Variants in NEIL3 observed in about 807,000 individuals in gnomAD.
NEIL3 encodes nei like DNA glycosylase 3, also known as endonuclease 8-like 3.
NEIL3 carries 48 observed loss-of-function variants against 57.5 expected under a neutral mutation model. The ratio of observed to expected loss-of-function variants is 0.83; its 90% CI spans 0.66 to 1.06. NEIL3 has a LOEUF of 1.06. NEIL3 is among the 50% of genes least tolerant of loss of function. The pLI is 0.00. For missense variants in NEIL3, 717 were observed against 739.1 expected, an observed-to-expected ratio of 0.97 and a Z score of 0.35; for synonymous variants, 261 against 253.2, an observed-to-expected ratio of 1.03 and a Z score of -0.29.
In NEIL3 at chr4:177,351,597, A is replaced by G. The variant is rs192609775; in HGVS notation, c.1039+48A>G. 170 of 1,399,638 alleles carry G rather than the reference A, an allele frequency of 1.2e-4. No homozygotes were observed. In the East Asian group the frequency reaches 3.6e-3, roughly 30 times the overall value. The allele number at this position is 1,399,638 out of a possible 1,614,324, so 86.7% of individuals were successfully genotyped here. On this transcript the variant is annotated intron_variant, in intron 7 of 9. Coordinates refer to ENST00000264596, the MANE Select transcript of NEIL3 (RefSeq NM_018248.3). The stretch of plus-strand genomic sequence containing the variant: ...AGTTTGTTACATTTCTAAGAGGGTT[A>G]ATTATACAAAGTCAGGAATATATCT...
At chr4:177,349,399 G>T (rs943560695) in intron 6 of NEIL3, among the ~76,000 whole-genome samples, 41 of 152,146 alleles carry the variant, frequency 2.7e-4, no homozygotes, top group African/African-American at 9.2e-4. Context: ...TCTCGCTTCC[G>T]GTGCTGCCAG....
At chr4:177,351,268 C>T in intron 6 of NEIL3, 112 bp from the exon 7 acceptor site, 1 of 298,612 alleles carries the variant, frequency 3.3e-6, no homozygotes, top group Middle Eastern at 9.7e-4. Context: ...AACTTCCAAG[C>T]AATAATAAAG....
chr4:177,355,097 C>T (rs1735445494), intron 8 of NEIL3, among the ~76,000 whole-genome samples: 1 of 152,180 alleles, frequency 6.6e-6, no homozygotes, highest in African/African-American at 2.4e-5. Flanking sequence ...GTTATATCTC[C>T]AACACAGGAC....
chr4:177,351,381 A>G lies in NEIL3; in HGVS notation c.871A>G (p.Lys291Glu). The part of the protein sequence containing the change: ...KENPQHVDIC[K>E]LPTRNTIISW... ...TTAATTTTAAAAATTATCTTATAGC[A>G]AGCTACCGACTAGAAATACTATAAT... Residue 291 changes from lysine to glutamate, a missense_variant and splice_region_variant, in exon 7 of 10, where the codon AAG becomes GAG. Physicochemically the swap from Lys to Glu is moderately conservative, Grantham distance 56 (BLOSUM62 1). Transcript: ENST00000264596. 1 of 1,601,086 alleles carries G rather than the reference A, an allele frequency of 6.2e-7. No homozygotes were observed. The highest frequency in any genetic ancestry group is 8.5e-7 in the Non-Finnish European group (1 of 1,173,850).
At position 177,360,638 on chromosome 4, in the gene NEIL3, C is replaced by A. The variant is rs781531641; in HGVS notation, c.1596C>A (p.Ala532=). The change falls in exon 9 of 10, where the codon GCC becomes GCA. Residue 532 remains alanine, a synonymous_variant. Coordinates refer to ENST00000264596, the MANE Select transcript of NEIL3 (RefSeq NM_018248.3). The part of the protein sequence containing the change: ...DGENKGRQFY[A]CPLPREAQCG... ...AAAACAAGGGCAGGCAGTTTTATGCCTGTCCTCTACCTAGAGAAGCACAAT... is the reference window on the plus strand; with the variant it reads ...AAAACAAGGGCAGGCAGTTTTATGCATGTCCTCTACCTAGAGAAGCACAAT... 87 of 1,613,666 alleles carry A rather than the reference C, an allele frequency of 5.4e-5. No homozygotes were observed. Among genetic ancestry groups the A allele is most frequent in the Non-Finnish European group, 7.3e-5 (86 of 1,179,698 alleles).
chr4:177,336,499 A>G (rs1470159499), intron 4 of NEIL3, among the ~76,000 whole-genome samples, 178 bp downstream of exon 4: 1 of 152,138 alleles, frequency 6.6e-6, no homozygotes, highest in Non-Finnish European at 1.5e-5. Flanking sequence ...CCGCACTTGC[A>G]CTTACAGTTG....
intron 1 of NEIL3, among the ~76,000 whole-genome samples, chr4:177,320,462 C>CTTTT (rs1560908362): frequency 9.0e-6 from 1 of 110,694 alleles, no homozygotes; most frequent in African/African-American, 3.4e-5. Flanking sequence ...GAAGTGACTG[C>CTTTT]TGTCTTTTTT....
chr4:177,332,690 C>T (rs1169359118), intron 2 of NEIL3, among the ~76,000 whole-genome samples: 1 of 152,074 alleles, frequency 6.6e-6, no homozygotes, highest in East Asian at 1.9e-4. Flanking sequence ...GTGTCTGGGG[C>T]TCCGGGGATT....
chr4:177,311,984 G>A (rs1166936842), intron 1 of NEIL3, among the ~76,000 whole-genome samples: 1 of 152,184 alleles, frequency 6.6e-6, no homozygotes, highest in South Asian at 2.1e-4. Context: ...CTGCGGATAC[G>A]AAGATGAGTA....
At chr4:177,353,920 C>G (rs531114790) in intron 8 of NEIL3, 192 bp downstream of exon 8, 1 of 559,486 alleles carries the variant, frequency 1.8e-6, no homozygotes, top group Admixed American at 3.4e-5. Context: ...CACATGCCAT[C>G]AGGCCCGACT....
At chr4:177,315,999 A>G (rs751292075) in intron 1 of NEIL3, among the ~76,000 whole-genome samples, 5 of 152,316 alleles carry the variant, frequency 3.3e-5, no homozygotes, top group South Asian at 4.1e-4. Context: ...ACACCCAGCG[A>G]ATGCCAGAAA....
downstream of NEIL3, among the ~76,000 whole-genome samples, chr4:177,364,848 A>C (rs1183996620): frequency 6.6e-6 from 1 of 151,864 alleles, no homozygotes; most frequent in Non-Finnish European, 1.5e-5. Flanking sequence ...GAATCGCTTG[A>C]ACCTGGAAGG....
chr4:177,348,423 A>G (rs1735270523), intron 6 of NEIL3, among the ~76,000 whole-genome samples: 1 of 152,146 alleles, frequency 6.6e-6, no homozygotes, highest in African/African-American at 2.4e-5. Flanking sequence ...GGAACGATGC[A>G]GTATCTTTTG....
At position 177,339,848 on chromosome 4, in the gene NEIL3, C is replaced by G; in HGVS notation, c.693C>G (p.Leu231=). The G allele has an allele frequency of 1.2e-6, 2 of 1,612,454 alleles. No homozygotes were observed. The highest frequency in any genetic ancestry group is 1.7e-6 in the Non-Finnish European group (2 of 1,178,628). Residue 231 remains leucine, a synonymous_variant, in exon 5 of 10, where the codon CTC becomes CTG. Coordinates refer to ENST00000264596, the MANE Select transcript of NEIL3 (RefSeq NM_018248.3). ...AAATGATACGTGATTTCAGCATTCTCTTTTACAGGGTAAGAGCAAAATTTT... is the reference window on the plus strand; with the variant it reads ...AAATGATACGTGATTTCAGCATTCTGTTTTACAGGGTAAGAGCAAAATTTT... The part of the protein sequence containing the change: ...LMKMIRDFSI[L]FYRCRKAGLA...
At chr4:177,333,834 A>G (rs10032684) in intron 2 of NEIL3, among the ~76,000 whole-genome samples, 18,448 of 152,026 alleles carry the variant, frequency 0.12, 1,207 homozygotes, top group Middle Eastern at 0.22. Context: ...CTAGCTTGGG[A>G]CAGGTGTCCA....
At chr4:177,343,283 A>G in intron 6 of NEIL3, 1 of 152,430 alleles carries the variant, frequency 6.6e-6, no homozygotes, top group Non-Finnish European at 1.5e-5. Flanking sequence ...ATCCAGGATG[A>G]GAGAGGCTGT....
intron 2 of NEIL3, among the ~76,000 whole-genome samples, chr4:177,331,720 A>G (rs1374751896): frequency 1.3e-5 from 2 of 152,242 alleles, no homozygotes; most frequent in Non-Finnish European, 2.9e-5. Flanking sequence ...ATAGACATAT[A>G]AGAGCTAAAT....
At chr4:177,327,844 A>G (rs1734813343) in intron 2 of NEIL3, among the ~76,000 whole-genome samples, 1 of 152,068 alleles carries the variant, frequency 6.6e-6, no homozygotes. Context: ...GTGGAATTCT[A>G]TATTGATTGA....
chr4:177,327,069 A>G (rs998767893), intron 2 of NEIL3, among the ~76,000 whole-genome samples: 2 of 152,026 alleles, frequency 1.3e-5, no homozygotes, highest in Non-Finnish European at 2.9e-5. Flanking sequence ...GTGAGTTCTC[A>G]CTAGATCTCT....
Sources: allele counts gnomAD v4.1 joint callset (sites outside exome capture counted in the v4.1 genomes callset), GRCh38; gene constraint gnomAD v4.1.1; transcripts MANE v1.5; gene names NCBI Gene and HGNC (gene_info 2026-07-23, HGNC 2026-07-21).